The following CPAP variants were observed in gnomAD, a reference collection of about 807,000 sequenced individuals.
CPAP encodes the protein centrosomal P4.1-associated protein.
At chr13:24,921,937 A>C in the CPAP span, among the ~76,000 whole-genome samples, 2 of 152,322 alleles carry the variant, frequency 1.3e-5, no homozygotes, top group Admixed American at 6.5e-5. Flanking sequence ...CCTGCTACTT[A>C]TTATTGATAC....
the CPAP span, chr13:24,924,793 C>G: frequency 6.6e-6 from 1 of 152,186 alleles, no homozygotes. Flanking sequence ...ATCAGGCAGA[C>G]CTGGGATCAA....
the CPAP span, chr13:24,886,339 G>A: frequency 1.6e-6 from 2 of 1,289,276 alleles, no homozygotes; most frequent in East Asian, 5.5e-5. Flanking sequence ...GCGGAGGCAG[G>A]TGGTCAGCCA....
At chr13:24,889,371 C>G in the CPAP span, 1 of 1,611,790 alleles carries the variant, frequency 6.2e-7, no homozygotes, top group Non-Finnish European at 8.5e-7. Context: ...CTGAAGAAAT[C>G]TGACTGTTTT....
chr13:24,924,830 C>T, the CPAP span: 1 of 152,152 alleles, frequency 6.6e-6, no homozygotes, highest in Non-Finnish European at 1.5e-5. Context: ...TTACAAACAG[C>T]TTTGTAGTCT....
At chr13:24,889,322 T>C in the CPAP span, 21 of 1,605,976 alleles carry the variant, frequency 1.3e-5, no homozygotes, top group Middle Eastern at 3.3e-4. Flanking sequence ...TTACCTTGCA[T>C]TGGAAGATAA....
the CPAP span, chr13:24,912,582 C>T: frequency 6.2e-7 from 1 of 1,611,942 alleles, no homozygotes; most frequent in African/African-American, 1.3e-5. Context: ...CCTATTGTAC[C>T]TGTTCAAGTT....
chr13:24,917,155 G>A, the CPAP span, among the ~76,000 whole-genome samples: 2 of 152,178 alleles, frequency 1.3e-5, no homozygotes, highest in African/African-American at 2.4e-5. Context: ...GGAGGCTGAG[G>A]CAGAAGGATG....
chr13:24,891,392 C>T, the CPAP span, among the ~76,000 whole-genome samples: 2 of 152,110 alleles, frequency 1.3e-5, no homozygotes, highest in Non-Finnish European at 2.9e-5. Flanking sequence ...GCTGCCTAGT[C>T]GGATCTCCTG....
the CPAP span, among the ~76,000 whole-genome samples, chr13:24,903,210 T>C: frequency 4.6e-5 from 7 of 152,230 alleles, no homozygotes; most frequent in African/African-American, 1.7e-4. Flanking sequence ...TATCGACTGC[T>C]GTAGGTGGAG....
At chr13:24,932,193 C>T in the CPAP span, among the ~76,000 whole-genome samples, 26 of 152,358 alleles carry the variant, frequency 1.7e-4, no homozygotes, top group African/African-American at 6.0e-4. Context: ...CGACACGGGA[C>T]TCGGGAACCG....
At chr13:24,890,652 C>T in the CPAP span, among the ~76,000 whole-genome samples, 1 of 152,174 alleles carries the variant, frequency 6.6e-6, no homozygotes, top group Non-Finnish European at 1.5e-5. Flanking sequence ...CCAGGTTGGC[C>T]CAGGTACAGC....
the CPAP span, among the ~76,000 whole-genome samples, chr13:24,891,473 C>T: frequency 3.9e-5 from 6 of 152,158 alleles, no homozygotes; most frequent in South Asian, 2.1e-4. Flanking sequence ...TCCCTTCTTG[C>T]GGTTGCTCCT....
At chr13:24,913,057 AT>A in the CPAP span, 1 of 1,585,184 alleles carries the variant, frequency 6.3e-7, no homozygotes, top group Non-Finnish European at 8.7e-7. Context: ...TATTTAAACA[AT>A]GCAAAGGCTA....
At chr13:24,906,501 C>T in the CPAP span, 2 of 1,614,206 alleles carry the variant, frequency 1.2e-6, no homozygotes, top group Non-Finnish European at 1.7e-6. Flanking sequence ...CCTGTGCAGC[C>T]AGTATCGCAA....
At chr13:24,930,224 T>C in the CPAP span, among the ~76,000 whole-genome samples, 1 of 152,162 alleles carries the variant, frequency 6.6e-6, no homozygotes, top group Non-Finnish European at 1.5e-5. Context: ...TTTTTAACTA[T>C]ACAATTTTTT....
the CPAP span, chr13:24,883,416 A>AAAAT: frequency 1.4e-6 from 2 of 1,427,928 alleles, no homozygotes; most frequent in East Asian, 2.5e-5. Context: ...AAAATAATAG[A>AAAAT]AAATAAACAA....
the CPAP span, chr13:24,892,641 A>G: frequency 6.2e-7 from 1 of 1,613,100 alleles, no homozygotes; most frequent in Non-Finnish European, 8.5e-7. Context: ...CTCCCTGCCT[A>G]CCGCAAGCTT....
At chr13:24,909,291 C>T in the CPAP span, among the ~76,000 whole-genome samples, 1 of 152,058 alleles carries the variant, frequency 6.6e-6, no homozygotes, top group Non-Finnish European at 1.5e-5. Context: ...CTTTGGGAGG[C>T]CAAGGCAGGC....
the CPAP span, chr13:24,892,886 A>AG: frequency 7.0e-7 from 1 of 1,431,464 alleles, no homozygotes; most frequent in Non-Finnish European, 9.6e-7. Flanking sequence ...AAAAAAAAAC[A>AG]AAAAGAAAAA....
Sources: gnomAD v4.1 joint callset for allele counts (sites outside exome capture counted in the v4.1 genomes callset) on GRCh38, gnomAD v4.1.1 for gene constraint, MANE v1.5 for transcripts, NCBI Gene and HGNC (gene_info 2026-07-23, HGNC 2026-07-21) for gene names.